The following AKAP19 variants were observed in gnomAD, a reference collection of about 807,000 sequenced individuals.
AKAP19 encodes small A-kinase anchoring protein.
At chr2:190,005,369 G>A in the AKAP19 span, among the ~76,000 whole-genome samples, 2 of 152,132 alleles carry the variant, frequency 1.3e-5, no homozygotes, top group Non-Finnish European at 2.9e-5. Context: ...TTTACAGAGT[G>A]CTGATTGATG....
At chr2:190,089,429 A>G in the AKAP19 span, 1 of 152,154 alleles carries the variant, frequency 6.6e-6, no homozygotes, top group Non-Finnish European at 1.5e-5. Context: ...AACAAAACAC[A>G]AAATTCAGTC....
chr2:190,030,364 C>T, the AKAP19 span, among the ~76,000 whole-genome samples: 1 of 152,206 alleles, frequency 6.6e-6, no homozygotes, highest in Non-Finnish European at 1.5e-5. Flanking sequence ...CACACATACA[C>T]TACTTTCCAG....
chr2:190,152,698 T>G, the AKAP19 span, among the ~76,000 whole-genome samples: 1 of 152,224 alleles, frequency 6.6e-6, no homozygotes, highest in Non-Finnish European at 1.5e-5. Context: ...TTATTGTTCC[T>G]TAGTAACTTA....
the AKAP19 span, among the ~76,000 whole-genome samples, chr2:190,124,922 CA>C: frequency 6.6e-6 from 1 of 151,896 alleles, no homozygotes; most frequent in Admixed American, 6.6e-5. Flanking sequence ...GACAAAAACA[CA>C]CACATTAGCC....
chr2:189,954,122 C>T, the AKAP19 span, among the ~76,000 whole-genome samples: 1 of 152,168 alleles, frequency 6.6e-6, no homozygotes, highest in African/African-American at 2.4e-5. Flanking sequence ...AGATACAATC[C>T]AGATCAGGTA....
the AKAP19 span, chr2:190,062,519 G>A: frequency 6.2e-7 from 1 of 1,613,304 alleles, no homozygotes; most frequent in Admixed American, 1.7e-5. Flanking sequence ...TTTGCTCACT[G>A]TTCTCATTTA....
the AKAP19 span, among the ~76,000 whole-genome samples, chr2:190,103,157 C>A: frequency 6.6e-6 from 1 of 152,064 alleles, no homozygotes; most frequent in Admixed American, 6.5e-5. Context: ...CTGAAAAAAA[C>A]CCTCAGCAAA....
At chr2:189,993,734 G>A in the AKAP19 span, among the ~76,000 whole-genome samples, 1 of 151,948 alleles carries the variant, frequency 6.6e-6, no homozygotes, top group Non-Finnish European at 1.5e-5. Flanking sequence ...ATTTAATCTA[G>A]GAGGGTTGCA....
At chr2:189,942,900 C>A in the AKAP19 span, among the ~76,000 whole-genome samples, 2 of 152,168 alleles carry the variant, frequency 1.3e-5, no homozygotes, top group African/African-American at 4.8e-5. Flanking sequence ...CTTCTAACAG[C>A]CTATGCTCAG....
At chr2:189,914,951 G>A in the AKAP19 span, among the ~76,000 whole-genome samples, 1 of 152,026 alleles carries the variant, frequency 6.6e-6, no homozygotes, top group African/African-American at 2.4e-5. Context: ...GCCTGCCATT[G>A]GCATCTAATA....
the AKAP19 span, among the ~76,000 whole-genome samples, chr2:190,003,908 T>G: frequency 6.6e-6 from 1 of 152,184 alleles, no homozygotes; most frequent in East Asian, 1.9e-4. Flanking sequence ...TTATTTTTAA[T>G]TCAAATAAAT....
the AKAP19 span, among the ~76,000 whole-genome samples, chr2:190,065,746 A>G: frequency 1.3e-5 from 2 of 152,210 alleles, no homozygotes; most frequent in Non-Finnish European, 2.9e-5. Context: ...AGTGTTGGCA[A>G]TGACTTTATA....
At chr2:189,914,961 A>G in the AKAP19 span, among the ~76,000 whole-genome samples, 4 of 152,290 alleles carry the variant, frequency 2.6e-5, no homozygotes, top group Admixed American at 2.6e-4. Flanking sequence ...GGCATCTAAT[A>G]TCAACATTAT....
chr2:190,000,661 G>T, the AKAP19 span, among the ~76,000 whole-genome samples: 1 of 152,058 alleles, frequency 6.6e-6, no homozygotes, highest in Admixed American at 6.5e-5. Flanking sequence ...TAGAATTTTT[G>T]GTTGACTTTT....
chr2:190,110,874 C>T, the AKAP19 span, among the ~76,000 whole-genome samples: 8 of 152,200 alleles, frequency 5.3e-5, no homozygotes, highest in South Asian at 2.1e-4. Context: ...CTAAGTCTAC[C>T]ATAAGGAGGA....
chr2:190,196,146 C>A, the AKAP19 span, among the ~76,000 whole-genome samples: 4 of 152,098 alleles, frequency 2.6e-5, no homozygotes, highest in East Asian at 5.8e-4. Flanking sequence ...CCTCCCCAAC[C>A]CCCAATGTTC....
the AKAP19 span, among the ~76,000 whole-genome samples, chr2:190,011,136 C>T: frequency 7.0e-6 from 1 of 142,822 alleles, no homozygotes; most frequent in Non-Finnish European, 1.5e-5. Context: ...CAACTCACTA[C>T]AGCCTCCACC....
At chr2:190,145,907 A>T in the AKAP19 span, among the ~76,000 whole-genome samples, 316 of 150,008 alleles carry the variant, frequency 2.1e-3, no homozygotes, top group African/African-American at 7.2e-3. Context: ...CTAGAAATAA[A>T]TCAAAGGTAA....
At chr2:189,975,585 T>G in the AKAP19 span, among the ~76,000 whole-genome samples, 2 of 152,238 alleles carry the variant, frequency 1.3e-5, no homozygotes, top group African/African-American at 4.8e-5. Flanking sequence ...TTTTCCAACT[T>G]GGTTCCATCC....
Sources: gnomAD v4.1 joint callset for allele counts (sites outside exome capture counted in the v4.1 genomes callset) on GRCh38, gnomAD v4.1.1 for gene constraint, MANE v1.5 for transcripts, NCBI Gene and HGNC (gene_info 2026-07-23, HGNC 2026-07-21) for gene names.